The following APOB variants were observed in gnomAD, a reference collection of about 807,000 sequenced individuals.
APOB encodes apolipoprotein B.
In APOB, 153 loss-of-function variants were observed where a neutral mutation model predicts 314.1. The ratio of observed to expected loss-of-function variants is 0.49; its 90% confidence interval spans 0.43 to 0.56. APOB has a LOEUF of 0.56. Ranked by LOEUF, APOB falls within the 20% of genes least tolerant of loss-of-function variation. The probability of loss-of-function intolerance (pLI) is 0.00; values close to 1 mark genes in which losing one functional copy is unlikely to be tolerated. For synonymous variants in APOB, 2,087 were observed against 2,036.4 expected, an observed-to-expected ratio of 1.02 and a Z score of -0.67; for missense variants, 5,430 against 5,350.7, an observed-to-expected ratio of 1.01 and a Z score of -0.46.
Position 21,002,108 on chromosome 2 carries a change from A to C in APOB, c.13314T>G (p.Ser4438Arg). 2 of 1,613,950 alleles carry C rather than the reference A, an allele frequency of 1.2e-6. No homozygotes were observed. Among genetic ancestry groups the C allele is most frequent in the Non-Finnish European group, 1.7e-6 (2 of 1,179,978 alleles). Residue 4438 changes from serine to arginine, a missense_variant, in exon 29 of 29, where the codon AGT becomes AGG. Around this residue, in one of 3 missense-constraint regions of APOB, gnomAD observed 3,281 missense variants for 3,171.0 expected, o/e 1.03. Transcript: ENST00000233242. ...TTCTGTGCAGAAATTGCTCAACTTGACTTGAGAGTTGGGAAGTAAAGTTAG... is the reference window on the plus strand; with the variant it reads ...TTCTGTGCAGAAATTGCTCAACTTGCCTTGAGAGTTGGGAAGTAAAGTTAG... ...SASNFTSQLS[S>R]QVEQFLHRNI...
chr2:21,016,938 G>C lies in APOB; in HGVS notation c.3122-289C>G, dbSNP rs369018694. ...GGCGGGGCTTGCAGTGAGCCGAGAT[G>C]GCACCACTGCACTGCAGCCTGGGCA... On this transcript the variant is annotated intron_variant, in intron 20 of 28. Coordinates refer to ENST00000233242, the MANE Select transcript of APOB (RefSeq NM_000384.3). 9.3e-5 allele frequency among the ~76,000 whole-genome samples: 14 copies of C among 150,738 alleles called. 1 individual carries two copies. Among genetic ancestry groups the C allele is most frequent in the South Asian group, 8.3e-4 (4 of 4,798 alleles).
chr2:21,026,805 CT>C lies in APOB; in HGVS notation c.2226del (p.Asp743MetfsTer9). 1 of 1,613,994 alleles carries C rather than the reference CT, an allele frequency of 6.2e-7. No individual in the cohort carries two copies. The highest frequency in any genetic ancestry group is 8.5e-7 in the Non-Finnish European group (1 of 1,179,852). On this transcript the variant is annotated frameshift_variant, in exon 15 of 29. Coordinates refer to ENST00000233242, the MANE Select transcript of APOB (RefSeq NM_000384.3). LOFTEE classifies it high-confidence loss of function. The stretch of plus-strand genomic sequence containing the variant: ...ATACACACCTGCTCATGTTTATCAT[CT>C]TTGGTATAGCCAAAGTGGTCCACTA... ...KVLVDHFGYTKDDKHEQDMVN... is the reference protein window; with the variant it reads ...KVLVDHFGYTXDDKHEQDMVN...
At position 21,026,308 on chromosome 2, in the gene APOB, C is replaced by T. The variant is rs531424311; in HGVS notation, c.2244+480G>A. ...TGTCACCCGGGCTGGAGTGTAACGGCGTGATCTCGGCTCACTGCAACCTCC... is the reference window on the plus strand; with the variant it reads ...TGTCACCCGGGCTGGAGTGTAACGGTGTGATCTCGGCTCACTGCAACCTCC... On this transcript the variant is annotated intron_variant, in intron 15 of 28. Transcript: ENST00000233242. Among the ~76,000 whole-genome samples the T allele has an allele frequency of 4.0e-3, 610 of 151,734 alleles. 5 individuals carry two copies. The highest frequency in any genetic ancestry group is 0.014 in the African/African-American group (578 of 41,328).
chr2:21,017,519 G>C (rs1192167414), intron 20 of APOB, among the ~76,000 whole-genome samples: 25 of 152,152 alleles, frequency 1.6e-4, no homozygotes, highest in Admixed American at 1.6e-3. Flanking sequence ...CTGAGTTCTG[G>C]GAGGAGCACA....
At chr2:21,014,164 C>T (rs1663408057) in intron 24 of APOB, among the ~76,000 whole-genome samples, 1 of 152,204 alleles carries the variant, frequency 6.6e-6, no homozygotes, top group Non-Finnish European at 1.5e-5. Context: ...GAATTCTTCA[C>T]AGTCAGAGGG....
At chr2:21,016,706 C>T (rs536009122) in intron 20 of APOB, 57 bp from the exon 21 acceptor site, 77 of 1,216,740 alleles carry the variant, frequency 6.3e-5, no homozygotes, top group South Asian at 1.2e-4. Context: ...TGTTTTGGGC[C>T]GGGTGCGGTG....
rs768732556 is a variant in APOB, at chr2:21,043,865, G to A, written c.81C>T (p.Ala27=). 4 of 1,500,978 alleles carry A rather than the reference G, an allele frequency of 2.7e-6. No homozygotes were observed. Among genetic ancestry groups the A allele is most frequent in the Admixed American group, 4.2e-5 (2 of 47,842 alleles). 93.0% of individuals were successfully genotyped at this position (1,500,978 alleles called of 1,614,324 possible). The change falls in exon 1 of 29, where the codon GCC becomes GCT. Residue 27 remains alanine (A), a splice_region_variant and synonymous_variant. Coordinates refer to ENST00000233242, the MANE Select transcript of APOB (RefSeq NM_000384.3). ...LLLLLLAGAR[A]EEEMLENVSL... Reference sequence around the variant, plus strand: ...CCCGCAGAGCGGCCGCGCACTCACCGGCCCTGGCGCCCGCCAGCAGCAGCA... The same window carrying A: ...CCCGCAGAGCGGCCGCGCACTCACCAGCCCTGGCGCCCGCCAGCAGCAGCA...
chr2:21,015,682 C>T, intron 21 of APOB, 137 bp from the exon 22 acceptor site: 2 of 919,820 alleles, frequency 2.2e-6, no homozygotes, highest in Non-Finnish European at 1.7e-6. Flanking sequence ...AGATCAAACT[C>T]ATCAACTTCT....
In APOB at chr2:21,010,558, T is replaced by C. The variant is rs1270061625; in HGVS notation, c.6310A>G (p.Ile2104Val). 1 of 1,613,194 alleles carries C rather than the reference T, an allele frequency of 6.2e-7. No individual in the cohort carries two copies. Residue 2104 changes from isoleucine to valine, a missense_variant, in exon 26 of 29, where the codon ATT (isoleucine) becomes GTT (valine). By Grantham distance (29) the Ile-to-Val change is conservative (BLOSUM62 3). Coordinates refer to ENST00000233242, the MANE Select transcript of APOB (RefSeq NM_000384.3). ...CTGTATTTTCTTACAAATTGATCAA[T>C]ATTGATGTGCTTCAGGTTTCTCTGT... ...NVQRNLKHIN[I>V]DQFVRKYRAA... is the part of the protein sequence containing the mutation.
rs375053331 is a variant in APOB at position 21,008,823 on chromosome 2, C to G, written c.8045G>C (p.Ser2682Thr). Residue 2682 changes from serine (S) to threonine (T), a missense_variant, in exon 26 of 29, where the codon AGT (serine) becomes ACT (threonine). Physicochemically the swap from Ser to Thr is moderately conservative, Grantham distance 58. Around this residue, in one of 3 missense-constraint regions of APOB, gnomAD observed 3,281 missense variants for 3,171.0 expected, o/e 1.03. Coordinates refer to ENST00000233242, the MANE Select transcript of APOB (RefSeq NM_000384.3). ...ATCTGGAACGGGCCACTGCAGCTCA[C>G]TGTTCAGCATCTGGTCAATGGTTCT... The part of the protein sequence containing the change: ...IIRTIDQMLN[S>T]ELQWPVPDIY... 10 of 1,613,934 alleles carry G rather than the reference C, an allele frequency of 6.2e-6. No individual in the cohort carries two copies. The highest frequency in any genetic ancestry group is 8.5e-6 in the Non-Finnish European group (10 of 1,179,960).
chr2:21,013,150 C>A lies in APOB; in HGVS notation c.4216+10G>T. 1 of 1,613,298 alleles carries A rather than the reference C, an allele frequency of 6.2e-7. No individual in the cohort carries two copies. The highest frequency in any genetic ancestry group is 1.1e-5 in the South Asian group (1 of 91,020). On this transcript the variant is annotated intron_variant, in intron 25 of 28. Coordinates refer to ENST00000233242, the MANE Select transcript of APOB (RefSeq NM_000384.3). ...TAGCCCGGTGCACCCTTTACCTGAG[C>A]ATAGCTCACCTTGCACATTGTAGGA...
chr2:21,023,606 T>G lies in APOB; in HGVS notation c.2523A>C (p.Gly841=). Residue 841 remains glycine, a synonymous_variant, in exon 17 of 29, where the codon GGA becomes GGC. Transcript: ENST00000233242. ...FMENAFELPT[G]AGLQLQISSS... ...AAGATATTTGCAACTGTAATCCAGC[T>G]CCAGTGGGGAGTTCAAAGGCATTCT... 3.1e-6 allele frequency: 5 copies of G among 1,614,154 alleles called. No homozygotes were observed. In the East Asian group the frequency reaches 1.1e-4, roughly 36 times the overall value.
At chr2:21,024,904 T>C in intron 16 of APOB, 29 bp downstream of exon 16, 16 of 1,612,270 alleles carry the variant, frequency 9.9e-6, no homozygotes, top group Non-Finnish European at 1.4e-5. Flanking sequence ...TCTGGTCTCA[T>C]GGGCCCCCAG....
Position 21,007,820 on chromosome 2 carries a change from C to T in APOB, c.9048G>A (p.Glu3016=), listed in dbSNP as rs762703523. 1.9e-5 allele frequency: 30 copies of T among 1,613,994 alleles called. No individual in the cohort carries two copies. Among genetic ancestry groups the T allele is most frequent in the Non-Finnish European group, 2.5e-5 (29 of 1,179,966 alleles). ...AATGAGCATCATGCCTCCCAGTAAA[C>T]TCTGCCTTCCCTTCTCCAAACAGTG... is the stretch of plus-strand genomic sequence containing the variant. ...GMALFGEGKA[E]FTGRHDAHLN... The change falls in exon 26 of 29, where the codon GAG becomes GAA. Residue 3016 remains glutamate, a synonymous_variant. Coordinates refer to ENST00000233242, the MANE Select transcript of APOB (RefSeq NM_000384.3).
In APOB at chr2:21,014,517, A is replaced by G. The variant is rs1652053065; in HGVS notation, c.3773T>C (p.Leu1258Pro). 6.2e-7 allele frequency: 1 copy of G among 1,614,072 alleles called. No individual in the cohort carries two copies. The highest frequency in any genetic ancestry group is 8.5e-7 in the Non-Finnish European group (1 of 1,179,996). The part of the protein sequence containing the change: ...TQTLQDHLNS[L>P]KEFNLQNMGL... ...CATGTTCTGGAGGTTGAACTCCTTCAGGCTATTGAGGTGGTCTTGCAAAGT... is the reference window on the plus strand; with the variant it reads ...CATGTTCTGGAGGTTGAACTCCTTCGGGCTATTGAGGTGGTCTTGCAAAGT... The change falls in exon 24 of 29, where the codon CTG (leucine) becomes CCG (proline). Residue 1258 changes from leucine to proline, a missense_variant. By Grantham distance (98) the Leu-to-Pro change is moderately conservative. This residue lies in a region of APOB where 2,085 missense variants were observed against 2,079.7 expected (regional missense o/e 1.00). Coordinates refer to ENST00000233242, the MANE Select transcript of APOB (RefSeq NM_000384.3).
In APOB at chr2:21,026,984, A is replaced by C; in HGVS notation, c.2068-20T>G. ...GCCAATCTGAGAAAGAAAATCAGAC[A>C]AGAAAATGGCATCAGGTTTCTTTGT... On this transcript the variant is annotated intron_variant, in intron 14 of 28. Coordinates refer to ENST00000233242, the MANE Select transcript of APOB (RefSeq NM_000384.3). The C allele has an allele frequency of 6.2e-7, 1 of 1,613,692 alleles. No homozygotes were observed. The highest frequency in any genetic ancestry group is 8.5e-7 in the Non-Finnish European group (1 of 1,179,654).
In APOB at chr2:21,001,605, G is replaced by T; in HGVS notation, c.*125C>A. 1 of 902,080 alleles carries T rather than the reference G, an allele frequency of 1.1e-6. No individual in the cohort carries two copies. The highest frequency in any genetic ancestry group is 2.7e-4 in the Middle Eastern group (1 of 3,770). 55.9% of individuals were successfully genotyped at this position (902,080 alleles called of 1,614,324 possible). A position where few individuals can be genotyped will look rare whatever the true frequency, so the allele number is the denominator to read the frequency against. ...CAGTTCATATGTGCTTCTGCTTATAGTCTACTGCCTACTGCAAGGCTGGCT... is the reference window on the plus strand; with the variant it reads ...CAGTTCATATGTGCTTCTGCTTATATTCTACTGCCTACTGCAAGGCTGGCT... On this transcript the variant is annotated 3_prime_UTR_variant, in exon 29 of 29. Transcript: ENST00000233242.
chr2:21,014,722 A>T, intron 23 of APOB, 129 bp from the exon 24 acceptor site: 1 of 913,064 alleles, frequency 1.1e-6, no homozygotes, highest in Non-Finnish European at 1.7e-6. Context: ...AGTTAAAAAT[A>T]AATAACAGAA....
At position 21,019,734 on chromosome 2, in the gene APOB, G is replaced by A. The variant is rs137875230; in HGVS notation, c.2988C>T (p.Thr996=). ...TGAGCATCTCTAACCTGGTGTCCCC[G>A]GTCAGCGGATAGTAGGAGGCGGAGT... ...STDSASYYPL[T]GDTRLELELR... is the part of the protein sequence containing the mutation. Residue 996 remains threonine (T), a synonymous_variant, in exon 19 of 29, where the codon ACC becomes ACT. Coordinates refer to ENST00000233242, the MANE Select transcript of APOB (RefSeq NM_000384.3). 3.2e-4 allele frequency: 513 copies of A among 1,614,060 alleles called. No individual in the cohort carries two copies. The highest frequency in any genetic ancestry group is 8.2e-4 in the South Asian group (75 of 91,058).
Sources: gnomAD v4.1 joint callset for allele counts (sites outside exome capture counted in the v4.1 genomes callset) on GRCh38, gnomAD v4.1.1 for gene constraint, gnomAD v4.1.1 regional missense constraint, MANE v1.5 for transcripts, NCBI Gene and HGNC (gene_info 2026-07-23, HGNC 2026-07-21) for gene names.